GLDC: variants seen among roughly 807,000 people sequenced by gnomAD.
GLDC encodes glycine decarboxylase, also known as glycine dehydrogenase (decarboxylating), mitochondrial.
In GLDC, 104 loss-of-function variants were observed where a neutral mutation model predicts 121.3. That is an observed-to-expected ratio of 0.86 (90% CI 0.73 to 1.01). The LOEUF (loss-of-function observed/expected upper bound fraction) is 1.01. Ranked by LOEUF, GLDC falls within the 50% of genes least tolerant of loss-of-function variation. GLDC has a pLI of 0.00. For synonymous variants in GLDC, 546 were observed against 480.6 expected (o/e 1.14, Z -1.78); for missense variants, 1,429 against 1,306.6 (o/e 1.09, Z -1.44).
At chr9:6,540,170 C>T (rs377633472) in intron 21 of GLDC, 24 bp from the exon 22 acceptor site, 5 of 1,360,032 alleles carry the variant, frequency 3.7e-6, no homozygotes, top group Admixed American at 3.3e-5. Flanking sequence ...TTGTTTCAGC[C>T]CAAGATTAGC....
At chr9:6,540,368 T>G in intron 21 of GLDC, 1 of 529,096 alleles carries the variant, frequency 1.9e-6, no homozygotes, top group East Asian at 3.5e-5. Flanking sequence ...GTGTCTTATC[T>G]TCAGCTCACT....
At chr9:6,542,827 A>T (rs1587914029) in intron 21 of GLDC, among the ~76,000 whole-genome samples, 1 of 147,198 alleles carries the variant, frequency 6.8e-6, no homozygotes, top group East Asian at 2.1e-4. Flanking sequence ...TCAAGGCTGC[A>T]GTGAGCCGAG....
At position 6,629,931 on chromosome 9, in the gene GLDC, A is replaced by ATATATATATATG. The variant is rs1563870135; in HGVS notation, c.335-9613_335-9612insCATATATATATA. On this transcript the variant is annotated intron_variant, in intron 2 of 24. Coordinates refer to ENST00000321612, the MANE Select transcript of GLDC (RefSeq NM_000170.3). ...GTGGGAGGGAGGCTTGCTTTTCACT[A>ATATATATATATG]TATATATATATATGTATATATATAT... Among the ~76,000 whole-genome samples, 622 of 82,380 alleles carry ATATATATATATG rather than the reference A, an allele frequency of 7.6e-3. 7 individuals are homozygous for ATATATATATATG. The highest frequency in any genetic ancestry group is 8.7e-3 in the East Asian group (18 of 2,074). The allele number at this position is 82,380 out of a possible 152,430, so 54.0% of individuals were successfully genotyped here. A position where few individuals can be genotyped will look rare whatever the true frequency, so the allele number is the denominator to read the frequency against.
intron 2 of GLDC, among the ~76,000 whole-genome samples, chr9:6,621,233 C>T (rs1819086788): frequency 6.6e-6 from 1 of 152,148 alleles, no homozygotes; most frequent in South Asian, 2.1e-4. Context: ...CTCATGAAGG[C>T]ACTTTGGTTA....
chr9:6,570,589 C>T (rs1817940391), intron 15 of GLDC, among the ~76,000 whole-genome samples: 1 of 152,164 alleles, frequency 6.6e-6, no homozygotes, highest in South Asian at 2.1e-4. Context: ...CATGGTGGCT[C>T]ATGCCTGTAA....
intron 2 of GLDC, among the ~76,000 whole-genome samples, chr9:6,629,937 A>G (rs1248434729): frequency 1.2e-5 from 1 of 82,010 alleles, no homozygotes; most frequent in South Asian, 3.7e-4. Context: ...CACTATATAT[A>G]TATATATGTA....
chr9:6,643,183 C>T (rs1587988744), intron 2 of GLDC, among the ~76,000 whole-genome samples: 1 of 152,138 alleles, frequency 6.6e-6, no homozygotes, highest in Non-Finnish European at 1.5e-5. Flanking sequence ...TAGGCATTTG[C>T]CACCGTGCCC....
intron 2 of GLDC, among the ~76,000 whole-genome samples, chr9:6,624,670 T>A (rs542262518): frequency 6.6e-6 from 1 of 152,274 alleles, no homozygotes; most frequent in East Asian, 1.9e-4. Flanking sequence ...ATAATACTCT[T>A]GGGCCCAGCT....
At chr9:6,539,704 G>T (rs1350669072) in intron 22 of GLDC, among the ~76,000 whole-genome samples, 1 of 152,106 alleles carries the variant, frequency 6.6e-6, no homozygotes, top group Non-Finnish European at 1.5e-5. Context: ...GACAGAGGTG[G>T]CTATAAAACT....
intron 2 of GLDC, among the ~76,000 whole-genome samples, chr9:6,627,332 A>G (rs1357387422): frequency 2.0e-5 from 3 of 151,878 alleles, no homozygotes; most frequent in African/African-American, 7.3e-5. Flanking sequence ...TAGCTTAAAT[A>G]AAGAACAAAA....
At chr9:6,590,923 A>G (rs546695476) in intron 11 of GLDC, among the ~76,000 whole-genome samples, 14 of 152,306 alleles carry the variant, frequency 9.2e-5, no homozygotes, top group Admixed American at 2.6e-4. Context: ...TCCTCTCTCA[A>G]AGAGGGCACA....
At chr9:6,619,465 T>C (rs1281204735) in intron 3 of GLDC, among the ~76,000 whole-genome samples, 1 of 151,852 alleles carries the variant, frequency 6.6e-6, no homozygotes, top group Non-Finnish European at 1.5e-5. Flanking sequence ...CAGTGGCTCA[T>C]GCCTGTAATC....
intron 15 of GLDC, among the ~76,000 whole-genome samples, chr9:6,585,899 C>CGAT (rs1170236539): frequency 1.1e-5 from 1 of 94,194 alleles, no homozygotes; most frequent in Middle Eastern, 5.1e-3. Context: ...TATCATCTGT[C>CGAT]CATCGGTCCA....
chr9:6,575,214 CAA>C (rs571198952), intron 15 of GLDC, among the ~76,000 whole-genome samples: 6 of 96,952 alleles, frequency 6.2e-5, no homozygotes, highest in Non-Finnish European at 4.7e-5. Context: ...TCAAAAGAAG[CAA>C]AAAAAAAAAA....
intron 8 of GLDC, among the ~76,000 whole-genome samples, chr9:6,598,807 T>C (rs998997978): frequency 1.3e-5 from 2 of 152,152 alleles, no homozygotes; most frequent in Non-Finnish European, 1.5e-5. Flanking sequence ...ATTTTAACAA[T>C]TGCTGGAAAA....
intron 2 of GLDC, among the ~76,000 whole-genome samples, chr9:6,643,895 G>A (rs945227348): frequency 2.0e-5 from 3 of 151,372 alleles, no homozygotes; most frequent in African/African-American, 7.3e-5. Flanking sequence ...TGAGCCTGGT[G>A]TGGTGGTGCG....
rs200527468 is a variant in GLDC, at chr9:6,539,045, AT to A, written c.2665+1005del. Among the ~76,000 whole-genome samples, 1,454 of 151,372 alleles carry A rather than the reference AT, an allele frequency of 9.6e-3. 23 individuals carry two copies. The highest frequency in any genetic ancestry group is 0.033 in the African/African-American group (1,385 of 41,428). Reference sequence around the variant, plus strand: ...GTAGTGAAACTATTAAATTTAAAAGATTTTTTTCTTTTTTTCCAAAAACAAG... The same window carrying A: ...GTAGTGAAACTATTAAATTTAAAAGATTTTTTCTTTTTTTCCAAAAACAAG... On this transcript the variant is annotated intron_variant, in intron 22 of 24. Coordinates refer to ENST00000321612, the MANE Select transcript of GLDC (RefSeq NM_000170.3).
rs1817679823 is a variant in GLDC at position 6,558,423 on chromosome 9, G to C, written c.2052+136C>G. The C allele has an allele frequency of 8.1e-6, 8 of 991,972 alleles. No homozygotes were observed. The East Asian group carries it at 1.9e-4, about 24-fold the overall frequency. The allele number at this position is 991,972 out of a possible 1,614,324, so 61.4% of individuals were successfully genotyped here. A position where few individuals can be genotyped will look rare whatever the true frequency, so the allele number is the denominator to read the frequency against. ...TGTTGGTGATGGGAGGGGTAGAGTA[G>C]ACTCTGGTCAAAGGAAGAACTGCAG... On this transcript the variant is annotated intron_variant, in intron 17 of 24. Transcript: ENST00000321612.
At chr9:6,573,146 AC>A (rs1482058501) in intron 15 of GLDC, among the ~76,000 whole-genome samples, 1 of 152,180 alleles carries the variant, frequency 6.6e-6, no homozygotes, top group African/African-American at 2.4e-5. Flanking sequence ...ATGGTGGCTC[AC>A]GCCTGTAATC....
Sources: allele counts gnomAD v4.1 joint callset (sites outside exome capture counted in the v4.1 genomes callset), GRCh38; gene constraint gnomAD v4.1.1; transcripts MANE v1.5; gene names NCBI Gene and HGNC (gene_info 2026-07-23, HGNC 2026-07-21).